The following ZDHHC17 variants were observed in gnomAD, a reference collection of about 807,000 sequenced individuals.
ZDHHC17 encodes palmitoyltransferase ZDHHC17.
In ZDHHC17, 40 loss-of-function variants were observed where a neutral mutation model predicts 90.3. The ratio of observed to expected loss-of-function variants is 0.44; its 90% CI spans 0.34 to 0.58. The LOEUF is 0.58. Among genes scored for constraint, ZDHHC17 ranks in the 20% least tolerant of loss-of-function variants. The pLI, the probability that ZDHHC17 is intolerant of heterozygous loss-of-function variation, is 0.01. For missense variants in ZDHHC17, 614 were observed against 780.8 expected, an observed-to-expected ratio of 0.79 and a Z score of 2.55; for synonymous variants, 235 against 252.4, an observed-to-expected ratio of 0.93 and a Z score of 0.65.
At chr12:76,835,373 A>T (rs1953351757) in intron 10 of ZDHHC17, among the ~76,000 whole-genome samples, 1 of 152,106 alleles carries the variant, frequency 6.6e-6, no homozygotes, top group Non-Finnish European at 1.5e-5. Flanking sequence ...TTTTGATTGA[A>T]ATTCTATTTG....
At chr12:76,829,745 C>G (rs1230143495) in intron 10 of ZDHHC17, among the ~76,000 whole-genome samples, 1 of 152,054 alleles carries the variant, frequency 6.6e-6, no homozygotes, top group Non-Finnish European at 1.5e-5. Context: ...AAAGGTGTTT[C>G]ATCTCTTTTG....
intron 2 of ZDHHC17, among the ~76,000 whole-genome samples, chr12:76,800,280 T>C (rs1376172012): frequency 6.6e-6 from 1 of 152,246 alleles, no homozygotes; most frequent in Non-Finnish European, 1.5e-5. Context: ...GAATTGTTAA[T>C]TATTTACAGT....
At chr12:76,815,122 C>T in intron 5 of ZDHHC17, 24 bp from the exon 6 acceptor site, 1 of 1,517,720 alleles carries the variant, frequency 6.6e-7, no homozygotes, top group Non-Finnish European at 8.9e-7. Flanking sequence ...AACTGTCTGA[C>T]TTTTTTTCTT....
At chr12:76,831,992 A>G (rs1308158395) in intron 10 of ZDHHC17, among the ~76,000 whole-genome samples, 1 of 152,186 alleles carries the variant, frequency 6.6e-6, no homozygotes, top group East Asian at 1.9e-4. Context: ...CTCATGGAAT[A>G]TGTGATGAAA....
At chr12:76,837,308 A>G (rs1280658556) in intron 10 of ZDHHC17, among the ~76,000 whole-genome samples, 1 of 152,030 alleles carries the variant, frequency 6.6e-6, no homozygotes, top group Non-Finnish European at 1.5e-5. Flanking sequence ...GCTATTTTCT[A>G]TTTTTAGTAG....
intron 10 of ZDHHC17, among the ~76,000 whole-genome samples, chr12:76,831,540 C>T (rs558052157): frequency 4.6e-5 from 7 of 152,058 alleles, no homozygotes; most frequent in African/African-American, 1.4e-4. Context: ...TTAGTAGAGA[C>T]GGGGTTTCAC....
chr12:76,817,932 G>A (rs931087653), intron 7 of ZDHHC17, among the ~76,000 whole-genome samples: 4 of 152,104 alleles, frequency 2.6e-5, no homozygotes, highest in African/African-American at 4.8e-5. Context: ...TAGTTCATGC[G>A]AATACTTTCC....
chr12:76,765,738 TC>T (rs770510903), intron 1 of ZDHHC17, among the ~76,000 whole-genome samples: 3 of 152,178 alleles, frequency 2.0e-5, no homozygotes, highest in Non-Finnish European at 2.9e-5. Context: ...TTTCTCCCTG[TC>T]CCCCAGGCAG....
chr12:76,795,660 T>C (rs1268567357), intron 1 of ZDHHC17, among the ~76,000 whole-genome samples: 1 of 152,192 alleles, frequency 6.6e-6, no homozygotes, highest in Non-Finnish European at 1.5e-5. Context: ...GATTGAAAAC[T>C]GGAATTCTGT....
intron 5 of ZDHHC17, among the ~76,000 whole-genome samples, chr12:76,814,808 A>C (rs1713424941): frequency 6.6e-6 from 1 of 151,994 alleles, no homozygotes; most frequent in Non-Finnish European, 1.5e-5. Context: ...GTTCTCTCTT[A>C]TGCATTAGTA....
rs540965014 is a variant in ZDHHC17 at position 76,814,131 on chromosome 12, G to C, written c.544-1015G>C. On this transcript the variant is annotated intron_variant, in intron 5 of 16. Transcript: ENST00000426126. ...AGGATAATCAGTTCAGAATGGAGTGGGTTAGGAAAGGTAGTTTCAGAGCAT... is the reference window on the plus strand; with the variant it reads ...AGGATAATCAGTTCAGAATGGAGTGCGTTAGGAAAGGTAGTTTCAGAGCAT... Among the ~76,000 whole-genome samples, 20 of 152,056 alleles carry C rather than the reference G, an allele frequency of 1.3e-4. No homozygotes were observed. The South Asian group carries it at 3.3e-3, about 25-fold the overall frequency.
intron 1 of ZDHHC17, among the ~76,000 whole-genome samples, chr12:76,785,962 A>G (rs2137729708): frequency 6.6e-6 from 1 of 152,320 alleles, no homozygotes; most frequent in East Asian, 1.9e-4. Flanking sequence ...AGGGAGTGAT[A>G]GGGACAGTAA....
chr12:76,767,459 A>G (rs1265314902), intron 1 of ZDHHC17, among the ~76,000 whole-genome samples: 1 of 152,212 alleles, frequency 6.6e-6, no homozygotes, highest in Non-Finnish European at 1.5e-5. Context: ...TTTTAGAGGT[A>G]TTTTAGGTAA....
At chr12:76,792,519 C>T (rs1952770391) in intron 1 of ZDHHC17, among the ~76,000 whole-genome samples, 1 of 152,070 alleles carries the variant, frequency 6.6e-6, no homozygotes, top group Non-Finnish European at 1.5e-5. Flanking sequence ...CTCTTTGCTG[C>T]AGTGTTTATC....
chr12:76,808,170 C>T (rs1952976574), intron 3 of ZDHHC17, among the ~76,000 whole-genome samples: 1 of 152,102 alleles, frequency 6.6e-6, no homozygotes. Flanking sequence ...AGAGTAAATG[C>T]ATTACTGATC....
At chr12:76,773,768 A>G (rs796649447) in intron 1 of ZDHHC17, among the ~76,000 whole-genome samples, 5 of 152,294 alleles carry the variant, frequency 3.3e-5, no homozygotes, top group African/African-American at 9.6e-5. Context: ...TATTAGAGTT[A>G]ACTATCAGTT....
At chr12:76,781,388 G>C (rs1199058598) in intron 1 of ZDHHC17, among the ~76,000 whole-genome samples, 1 of 152,184 alleles carries the variant, frequency 6.6e-6, no homozygotes, top group Non-Finnish European at 1.5e-5. Flanking sequence ...GCTTTGTTTT[G>C]AATGTCTCCT....
chr12:76,771,457 G>T (rs1392353004), intron 1 of ZDHHC17, among the ~76,000 whole-genome samples: 2 of 152,100 alleles, frequency 1.3e-5, no homozygotes, highest in East Asian at 3.9e-4. Flanking sequence ...AGTGTCCTAG[G>T]ATCATCTTTC....
At chr12:76,806,772 C>T (rs1001512621) in intron 3 of ZDHHC17, among the ~76,000 whole-genome samples, 1 of 152,214 alleles carries the variant, frequency 6.6e-6, no homozygotes, top group Non-Finnish European at 1.5e-5. Flanking sequence ...CCTGGCCTCC[C>T]AAAATGCTGG....
Sources: allele counts gnomAD v4.1 joint callset (sites outside exome capture counted in the v4.1 genomes callset), GRCh38; gene constraint gnomAD v4.1.1; transcripts MANE v1.5; gene names NCBI Gene and HGNC (gene_info 2026-07-23, HGNC 2026-07-21).